Variants in LTBP2 observed in about 807,000 individuals in gnomAD.
LTBP2 encodes latent transforming growth factor beta binding protein 2.
Under a neutral mutation model 210.6 loss-of-function variants are expected in LTBP2, and 103 were observed. The observed-to-expected ratio is 0.49, with a 90% confidence interval of 0.42 to 0.58. The LOEUF is 0.58. LTBP2 is among the 20% of genes least tolerant of loss of function. LTBP2 has a pLI of 0.00. For synonymous variants in LTBP2, 1,007 were observed against 1,015.0 expected, an observed-to-expected ratio of 0.99 and a Z score of 0.15; for missense variants, 2,313 against 2,494.5, an observed-to-expected ratio of 0.93 and a Z score of 1.55.
intron 1 of LTBP2, among the ~76,000 whole-genome samples, chr14:74,606,605 T>C (rs4903246): frequency 0.046 from 7,049 of 152,190 alleles, 257 homozygotes; most frequent in Admixed American, 0.11. Flanking sequence ...TCCCAGCACT[T>C]TAGGAGTCTG....
chr14:74,522,720 A>T, intron 16 of LTBP2, 70 bp downstream of exon 16: 1 of 1,529,544 alleles, frequency 6.5e-7, no homozygotes, highest in Non-Finnish European at 8.8e-7. Context: ...TGGACTCTCA[A>T]CTCGGCCTCT....
At position 74,555,527 on chromosome 14, in the gene LTBP2, G is replaced by C; in HGVS notation, c.997C>G (p.Leu333Val). The C allele has an allele frequency of 6.2e-7, 1 of 1,613,664 alleles. No homozygotes were observed. The highest frequency in any genetic ancestry group is 8.5e-7 in the Non-Finnish European group (1 of 1,179,718). The change falls in exon 4 of 36, where the codon CTG becomes GTG. Residue 333 changes from leucine (L) to valine (V), a missense_variant. Around this residue, in one of 3 missense-constraint regions of LTBP2, gnomAD observed 1,867 missense variants for 1,976.9 expected, o/e 0.94. Transcript: ENST00000261978. The stretch of plus-strand genomic sequence containing the variant: ...CCCCAGGGGGATGAGGGGTGCTCCA[G>C]AGGTACCGCCTGTTGGGTGCCATCT... ...QRDGTQQAVP[L>V]EHPSSPWGLN...
At chr14:74,546,887 C>T (rs1181972227) in intron 8 of LTBP2, among the ~76,000 whole-genome samples, 1 of 152,250 alleles carries the variant, frequency 6.6e-6, no homozygotes, top group Admixed American at 6.5e-5. Context: ...TCAGTACAGA[C>T]TCTGGCCTTT....
At chr14:74,544,078 A>G (rs2087548898) in intron 8 of LTBP2, among the ~76,000 whole-genome samples, 1 of 152,232 alleles carries the variant, frequency 6.6e-6, no homozygotes, top group Non-Finnish European at 1.5e-5. Context: ...ATTCATTCCC[A>G]GCAGGCTTCA....
chr14:74,611,909 G>A lies in LTBP2; in HGVS notation c.36C>T (p.Arg12=), dbSNP rs1430820722. The A allele has an allele frequency of 1.3e-6, 2 of 1,595,162 alleles. No homozygotes were observed. Among genetic ancestry groups the A allele is most frequent in the Non-Finnish European group, 1.7e-6 (2 of 1,174,206 alleles). Residue 12 remains arginine, a synonymous_variant, in exon 1 of 36, where the codon CGC becomes CGT. Coordinates refer to ENST00000261978, the MANE Select transcript of LTBP2 (RefSeq NM_000428.3). ...RPRTKARSPG[R]ALRNPWRGFL... is the part of the protein sequence containing the mutation. ...AGCCTCTCCAGGGGTTCCGCAGGGC[G>A]CGCCCCGGGCTGCGGGCTTTGGTCC...
chr14:74,517,685 T>G (rs2087153726), intron 17 of LTBP2, among the ~76,000 whole-genome samples: 1 of 152,218 alleles, frequency 6.6e-6, no homozygotes, highest in African/African-American at 2.4e-5. Flanking sequence ...CTGGAGTCCT[T>G]CCTAAGGACC....
At chr14:74,527,476 C>T in intron 12 of LTBP2, 110 bp from the exon 13 acceptor site, 1 of 1,161,172 alleles carries the variant, frequency 8.6e-7, no homozygotes, top group Non-Finnish European at 1.3e-6. Flanking sequence ...ACATCCCCAG[C>T]AGGGCCAGCA....
chr14:74,585,738 G>T, intron 3 of LTBP2, 116 bp downstream of exon 3: 1 of 1,504,532 alleles, frequency 6.6e-7, no homozygotes, highest in Middle Eastern at 1.8e-4. Flanking sequence ...GGGGAGGAGA[G>T]AAGGGAGGAC....
At chr14:74,593,272 C>G (rs1453120715) in intron 2 of LTBP2, among the ~76,000 whole-genome samples, 1 of 152,302 alleles carries the variant, frequency 6.6e-6, no homozygotes, top group African/African-American at 2.4e-5. Flanking sequence ...CCGACCACCC[C>G]ATGCAGGCTG....
At chr14:74,600,279 G>A (rs2088427535) in intron 2 of LTBP2, among the ~76,000 whole-genome samples, 1 of 152,220 alleles carries the variant, frequency 6.6e-6, no homozygotes, top group Non-Finnish European at 1.5e-5. Context: ...AAGTGGGAGG[G>A]GCTGTTGCCC....
Position 74,522,779 on chromosome 14 carries a change from C to T in LTBP2, c.2659+11G>A. On this transcript the variant is annotated intron_variant, in intron 16 of 35. Coordinates refer to ENST00000261978, the MANE Select transcript of LTBP2 (RefSeq NM_000428.3). ...AGCCGCCAAGTAAGCCCAGGGCACC[C>T]AAGTGAATACCTGTGCAGTAGGCCT... The T allele has an allele frequency of 1.2e-6, 2 of 1,608,718 alleles. No homozygotes were observed. Among genetic ancestry groups the T allele is most frequent in the Non-Finnish European group, 1.7e-6 (2 of 1,177,792 alleles).
chr14:74,557,451 C>A (rs1001340084), intron 3 of LTBP2, among the ~76,000 whole-genome samples: 5 of 152,182 alleles, frequency 3.3e-5, no homozygotes, highest in African/African-American at 1.2e-4. Flanking sequence ...ATTTTTAATA[C>A]TTTGCTAGCT....
chr14:74,544,325 T>C (rs939171149), intron 8 of LTBP2, among the ~76,000 whole-genome samples: 2 of 152,090 alleles, frequency 1.3e-5, no homozygotes, highest in Admixed American at 6.5e-5. Flanking sequence ...ACTTGCAGAG[T>C]GGCTGGAAGC....
chr14:74,609,234 G>A (rs1222182516), intron 1 of LTBP2, among the ~76,000 whole-genome samples: 1 of 152,138 alleles, frequency 6.6e-6, no homozygotes, highest in Non-Finnish European at 1.5e-5. Context: ...GAGTGTCAGG[G>A]AACCCACTCT....
intron 8 of LTBP2, among the ~76,000 whole-genome samples, chr14:74,548,387 C>T (rs576918236): frequency 1.3e-5 from 2 of 152,020 alleles, no homozygotes; most frequent in African/African-American, 2.4e-5. Flanking sequence ...CTATGACTAC[C>T]CACTAAATTG....
rs1037510314 is a variant in LTBP2 at position 74,552,989 on chromosome 14, G to A, written c.1095C>T (p.Ala365=). 1 of 1,614,214 alleles carries A rather than the reference G, an allele frequency of 6.2e-7. No individual in the cohort carries two copies. The highest frequency in any genetic ancestry group is 8.5e-7 in the Non-Finnish European group (1 of 1,180,024). The change falls in exon 5 of 36, where the codon GCC becomes GCT. Residue 365 remains alanine, a synonymous_variant. Transcript: ENST00000261978. ...CACAGCTGTTGGCACAGTGTCCACG[G>A]GCACAGGTCTGCTTGCAGATGGTGG... is the stretch of plus-strand genomic sequence containing the variant. ...FTPTICKQTC[A]RGHCANSCER...
At chr14:74,558,299 G>T (rs113934803) in intron 3 of LTBP2, among the ~76,000 whole-genome samples, 2 of 152,216 alleles carry the variant, frequency 1.3e-5, no homozygotes, top group South Asian at 4.1e-4. Context: ...GGAGGCTGAG[G>T]CACGAGAATC....
rs149486028 is a variant in LTBP2 at position 74,515,402 on chromosome 14, A to G, written c.2908+1420T>C. Reference sequence around the variant, plus strand: ...CTCGCAAGTAGGTAGGATAACAGGCATGTGCTATCACGCCCAGCTAATTTT... The same window carrying G: ...CTCGCAAGTAGGTAGGATAACAGGCGTGTGCTATCACGCCCAGCTAATTTT... On this transcript the variant is annotated intron_variant, in intron 18 of 35. Coordinates refer to ENST00000261978, the MANE Select transcript of LTBP2 (RefSeq NM_000428.3). Among the ~76,000 whole-genome samples the G allele has an allele frequency of 1.9e-3, 285 of 152,024 alleles. 4 individuals are homozygous for G. Among genetic ancestry groups the G allele is most frequent in the Middle Eastern group, 3.4e-3 (1 of 294 alleles).
At chr14:74,539,857 G>A (rs914633976) in intron 8 of LTBP2, among the ~76,000 whole-genome samples, 2 of 152,244 alleles carry the variant, frequency 1.3e-5, no homozygotes, top group Non-Finnish European at 2.9e-5. Context: ...CGAGGAATGA[G>A]TGAATCTCAG....
Sources: allele counts gnomAD v4.1 joint callset (sites outside exome capture counted in the v4.1 genomes callset), GRCh38; gene constraint gnomAD v4.1.1; regional missense constraint gnomAD v4.1.1; transcripts MANE v1.5; gene names NCBI Gene and HGNC (gene_info 2026-07-23, HGNC 2026-07-21).